SASS6: variants seen among roughly 807,000 people sequenced by gnomAD.
SASS6 encodes the protein spindle assembly abnormal protein 6 homolog.
A neutral mutation model predicts 94.9 loss-of-function variants in SASS6; 59 were observed. The observed-to-expected ratio is 0.62, with a 90% CI of 0.50 to 0.77. The LOEUF (loss-of-function observed/expected upper bound fraction) is 0.77, where lower values mean the gene tolerates loss of function less well. Among genes scored for constraint, SASS6 ranks in the 30% least tolerant of loss-of-function variants. The probability of loss-of-function intolerance (pLI) is 0.00; values close to 1 mark genes in which losing one functional copy is unlikely to be tolerated. For synonymous variants in SASS6, 264 were observed against 270.0 expected (o/e 0.98, Z 0.22); for missense variants, 698 against 734.1 (o/e 0.95, Z 0.57).
chr1:100,117,308 A>C (rs1413864853), intron 7 of SASS6, among the ~76,000 whole-genome samples: 4 of 151,028 alleles, frequency 2.6e-5, no homozygotes, highest in African/African-American at 9.7e-5. Context: ...AAAAAAAAAG[A>C]AGCTATAGTA....
Position 100,107,452 on chromosome 1 carries a change from A to T in SASS6, c.1248T>A (p.Ala416=). The change falls in exon 11 of 17, where the codon GCT becomes GCA. Residue 416 remains alanine (A), a synonymous_variant. Transcript: ENST00000287482. ...TVTIQQEKLL[A]EKEEKLQKEQ... ...CCTTTTGTAATTTTTCCTCCTTCTC[A>T]GCCAAGAGTTTTTCTTGCTGAATAG... 1 of 1,609,614 alleles carries T rather than the reference A, an allele frequency of 6.2e-7. No individual in the cohort carries two copies. Among genetic ancestry groups the T allele is most frequent in the Non-Finnish European group, 8.5e-7 (1 of 1,176,274 alleles).
intron 14 of SASS6, among the ~76,000 whole-genome samples, chr1:100,092,587 T>C (rs1651805412): frequency 6.6e-6 from 1 of 151,836 alleles, no homozygotes; most frequent in South Asian, 2.1e-4. Flanking sequence ...TTTGTTTGTT[T>C]GTTTTTGAGA....
Position 100,121,505 on chromosome 1 carries a change from G to A in SASS6, c.356C>T (p.Ser119Leu). The part of the protein sequence containing the change: ...LVSPAAILDN[S>L]PAFLNVVETN... Reference sequence around the variant, plus strand: ...CTCTACCACATTTAAAAATGCAGGTGAGTTATCCAAAATAGCTGCTGGAGA... The same window carrying A: ...CTCTACCACATTTAAAAATGCAGGTAAGTTATCCAAAATAGCTGCTGGAGA... The change falls in exon 5 of 17, where the codon TCA becomes TTA. Residue 119 changes from serine (S) to leucine (L), a missense_variant. By Grantham distance (145) the Ser-to-Leu change is moderately radical (BLOSUM62 -2). Coordinates refer to ENST00000287482, the MANE Select transcript of SASS6 (RefSeq NM_194292.3). The A allele has an allele frequency of 6.3e-7, 1 of 1,599,736 alleles. No homozygotes were observed. The highest frequency in any genetic ancestry group is 1.3e-5 in the African/African-American group (1 of 74,544).
intron 14 of SASS6, among the ~76,000 whole-genome samples, chr1:100,088,821 C>T: frequency 6.9e-6 from 1 of 144,882 alleles, no homozygotes; most frequent in African/African-American, 2.6e-5. Context: ...GGCAACAGAG[C>T]AAGACCCTGT....
chr1:100,101,208 A>G (rs1433669052), intron 14 of SASS6, among the ~76,000 whole-genome samples: 5 of 152,280 alleles, frequency 3.3e-5, no homozygotes, highest in Admixed American at 3.3e-4. Flanking sequence ...AAATCCTAAC[A>G]TCAGATTCCG....
rs1352477945 is a variant in SASS6, at chr1:100,107,999, T to A, written c.867A>T (p.Leu289=). The change falls in exon 9 of 17, where the codon CTA becomes CTT. Residue 289 remains leucine (L), a synonymous_variant. Coordinates refer to ENST00000287482, the MANE Select transcript of SASS6 (RefSeq NM_194292.3). ...AGAGGACTTCTTGCTTAGTCCGCTG[T>A]AGCTCCTAGAATGGGAAAAGAAAGA... is the stretch of plus-strand genomic sequence containing the variant. ...KAKLSGVEEE[L]QRTKQEVLSL... 1.3e-6 allele frequency: 2 copies of A among 1,594,410 alleles called. No homozygotes were observed. Among genetic ancestry groups the A allele is most frequent in the East Asian group, 4.5e-5 (2 of 44,458 alleles).
intron 7 of SASS6, 106 bp downstream of exon 7, chr1:100,118,912 T>G (rs193000716): frequency 4.6e-4 from 307 of 660,532 alleles, no homozygotes; most frequent in Admixed American, 2.0e-3. Flanking sequence ...TTTATATACT[T>G]CTGTAACGTT....
At chr1:100,098,728 C>T (rs1652265034) in intron 14 of SASS6, among the ~76,000 whole-genome samples, 1 of 151,674 alleles carries the variant, frequency 6.6e-6, no homozygotes, top group African/African-American at 2.4e-5. Context: ...CATCCGTATA[C>T]TGGAATACTA....
intron 8 of SASS6, among the ~76,000 whole-genome samples, chr1:100,108,972 C>G (rs1177777240): frequency 6.6e-6 from 1 of 151,486 alleles, no homozygotes; most frequent in East Asian, 1.9e-4. Context: ...TAACTGAATA[C>G]TCAGCAGTTA....
chr1:100,101,904 C>G (rs2101655060), intron 14 of SASS6, among the ~76,000 whole-genome samples: 1 of 152,264 alleles, frequency 6.6e-6, no homozygotes, highest in East Asian at 1.9e-4. Flanking sequence ...TTTAGAGTAG[C>G]CCAGACCTAA....
intron 15 of SASS6, among the ~76,000 whole-genome samples, chr1:100,086,455 C>A (rs1570678951): frequency 6.6e-6 from 1 of 151,444 alleles, no homozygotes; most frequent in East Asian, 1.9e-4. Flanking sequence ...TGACTTCATA[C>A]TACAAATACG....
chr1:100,120,923 G>A (rs1011191757), intron 5 of SASS6, among the ~76,000 whole-genome samples: 3 of 150,700 alleles, frequency 2.0e-5, no homozygotes, highest in East Asian at 1.9e-4. Context: ...AGTGGCGGGC[G>A]CCTGTAGTCC....
chr1:100,131,947 GA>G (rs1425592311), intron 1 of SASS6, among the ~76,000 whole-genome samples: 1 of 151,798 alleles, frequency 6.6e-6, no homozygotes, highest in African/African-American at 2.4e-5. Flanking sequence ...AACGTTCAGA[GA>G]AAAAAAGAGA....
chr1:100,126,472 T>C (rs1016193947), intron 1 of SASS6, among the ~76,000 whole-genome samples: 8 of 152,174 alleles, frequency 5.3e-5, no homozygotes, highest in African/African-American at 9.7e-5. Flanking sequence ...GAGAGACTGA[T>C]TGCATTTTAA....
At chr1:100,127,054 T>G (rs920876660) in intron 1 of SASS6, among the ~76,000 whole-genome samples, 1 of 152,158 alleles carries the variant, frequency 6.6e-6, no homozygotes, top group Admixed American at 6.5e-5. Flanking sequence ...TCTTAGAGAA[T>G]CCAGAATTGG....
chr1:100,131,139 TAC>T (rs1199155956), intron 1 of SASS6, among the ~76,000 whole-genome samples: 2 of 152,140 alleles, frequency 1.3e-5, no homozygotes, highest in Non-Finnish European at 2.9e-5. Flanking sequence ...CCAATGGAGA[TAC>T]AATGTAAGCC....
In SASS6 at chr1:100,119,088, G is replaced by A. The variant is rs887977995; in HGVS notation, c.599C>T (p.Ala200Val). Residue 200 changes from alanine (A) to valine (V), a missense_variant, in exon 7 of 17, where the codon GCG becomes GTG. Ala to Val is a moderately conservative substitution (Grantham distance 64). Transcript: ENST00000287482. ...GTTTGTCAAGGCTGCTGTATGTGAC[G>A]CCCATTCATTCCGTAACTTATCTAA... ...QELDKLRNEW[A>V]SHTAALTNKH... 13 of 1,580,232 alleles carry A rather than the reference G, an allele frequency of 8.2e-6. No individual in the cohort carries two copies. The highest frequency in any genetic ancestry group is 3.4e-5 in the Admixed American group (2 of 59,278).
intron 14 of SASS6, among the ~76,000 whole-genome samples, chr1:100,094,523 G>T (rs61655683): frequency 0.041 from 6,292 of 152,200 alleles, 324 homozygotes; most frequent in African/African-American, 0.12. Context: ...AGGCCAATAT[G>T]CTTTATGAAC....
intron 13 of SASS6, among the ~76,000 whole-genome samples, chr1:100,105,061 ACTTT>A (rs1433808831): frequency 1.3e-5 from 2 of 152,084 alleles, no homozygotes; most frequent in Admixed American, 1.3e-4. Context: ...TTTCTTTTTT[ACTTT>A]CTTTTCTTTT....
Sources: gnomAD v4.1 joint callset for allele counts (sites outside exome capture counted in the v4.1 genomes callset) on GRCh38, gnomAD v4.1.1 for gene constraint, MANE v1.5 for transcripts, NCBI Gene and HGNC (gene_info 2026-07-23, HGNC 2026-07-21) for gene names.